BTAF1: variants seen among roughly 807,000 people sequenced by gnomAD.
BTAF1 encodes B-TFIID TATA-box binding protein associated factor 1.
BTAF1 carries 38 observed loss-of-function variants against 227.1 expected under a neutral mutation model. The ratio of observed to expected loss-of-function variants is 0.17; its 90% CI spans 0.13 to 0.22. The LOEUF (loss-of-function observed/expected upper bound fraction) is 0.22. Among genes scored for constraint, BTAF1 ranks in the 10% least tolerant of loss-of-function variants. The pLI is 1.00. For synonymous variants in BTAF1, 742 were observed against 751.9 expected (o/e 0.99, Z 0.21); for missense variants, 1,598 against 2,204.0 (o/e 0.73, Z 5.51).
chr10:91,982,116 A>T lies in BTAF1; in HGVS notation c.1939A>T (p.Ser647Cys). Residue 647 changes from serine (S) to cysteine (C), a missense_variant, in exon 17 of 38, where the codon AGC becomes TGC. Ser to Cys is a moderately radical substitution (Grantham distance 112). Transcript: ENST00000265990. ...AGGTGGTAAGGTGCGCCAAGGCCAA[A>T]GCCAGAATAAAGAAGTACTTCAGGA... ...KTGGKVRQGQ[S>C]QNKEVLQEYI... The T allele has an allele frequency of 6.2e-7, 1 of 1,613,824 alleles. No homozygotes were observed. Among genetic ancestry groups the T allele is most frequent in the Non-Finnish European group, 8.5e-7 (1 of 1,179,854 alleles).
chr10:92,008,041 T>C (rs1233179115), intron 25 of BTAF1, 82 bp from the exon 26 acceptor site: 8 of 1,242,970 alleles, frequency 6.4e-6, no homozygotes, highest in Middle Eastern at 2.0e-4. Context: ...CTTTTTTCTG[T>C]GTGTTTGTTT....
chr10:92,009,409 T>C (rs1352315455), intron 28 of BTAF1, among the ~76,000 whole-genome samples: 1 of 152,228 alleles, frequency 6.6e-6, no homozygotes, highest in Non-Finnish European at 1.5e-5. Context: ...CATTGTACAA[T>C]AAGTTGAGCT....
At chr10:91,933,252 G>A (rs1475875490) in intron 1 of BTAF1, among the ~76,000 whole-genome samples, 4 of 152,176 alleles carry the variant, frequency 2.6e-5, no homozygotes, top group Non-Finnish European at 2.9e-5. Context: ...GTGAGCCATT[G>A]AAAGTTTTAA....
intron 1 of BTAF1, among the ~76,000 whole-genome samples, chr10:91,934,927 A>G (rs367765066): frequency 6.6e-6 from 1 of 152,288 alleles, no homozygotes; most frequent in East Asian, 1.9e-4. Flanking sequence ...AGTTGGGGAT[A>G]TAATATTCGC....
At chr10:91,991,797 G>GTA (rs1166615338) in intron 20 of BTAF1, among the ~76,000 whole-genome samples, 118 of 9,992 alleles carry the variant, frequency 0.012, no homozygotes, top group African/African-American at 0.021. Context: ...GTGTGTGTGT[G>GTA]TATATATATA....
intron 14 of BTAF1, among the ~76,000 whole-genome samples, chr10:91,976,060 C>T (rs973608612): frequency 6.6e-6 from 1 of 152,232 alleles, no homozygotes; most frequent in African/African-American, 2.4e-5. Context: ...TACTTCTGAC[C>T]TACCATCTGT....
At chr10:91,956,435 T>G in intron 6 of BTAF1, 93 bp from the exon 7 acceptor site, 1 of 1,343,998 alleles carries the variant, frequency 7.4e-7, no homozygotes, top group Non-Finnish European at 1.0e-6. Context: ...TATCTTAAAT[T>G]CATTGTGATT....
intron 14 of BTAF1, among the ~76,000 whole-genome samples, chr10:91,975,102 A>G (rs556794489): frequency 4.6e-5 from 7 of 152,162 alleles, no homozygotes; most frequent in Non-Finnish European, 1.0e-4. Context: ...TTGCCAGACA[A>G]ACTCCTAGAC....
At chr10:91,982,551 A>C in intron 17 of BTAF1, 36 bp from the exon 18 acceptor site, 33 of 1,549,070 alleles carry the variant, frequency 2.1e-5, no homozygotes, top group Non-Finnish European at 2.9e-5. Context: ...TACTTCAAGT[A>C]ATTTCTTATA....
chr10:91,983,227 T>A (rs1398651427), intron 18 of BTAF1, among the ~76,000 whole-genome samples: 1 of 152,222 alleles, frequency 6.6e-6, no homozygotes, highest in Non-Finnish European at 1.5e-5. Context: ...ACCAAAATCT[T>A]CATGTTTCCA....
chr10:91,936,600 A>AT (rs1844628755), intron 2 of BTAF1, among the ~76,000 whole-genome samples: 1 of 152,290 alleles, frequency 6.6e-6, no homozygotes, highest in Admixed American at 6.5e-5. Context: ...TTCCAACATA[A>AT]TTCCCACTTA....
In BTAF1 at chr10:92,013,917, CG is replaced by C; in HGVS notation, c.4473del (p.Leu1492CysfsTer10). On this transcript the variant is annotated frameshift_variant, in exon 32 of 38. Transcript: ENST00000265990. LOFTEE classifies it high-confidence loss of function. Reference sequence around the variant, plus strand: ...TTAACAGGTGTTCTTGCTATGGATGCGCTGCACCGCCAAGTACTACCGTTTC... The same window carrying C: ...TTAACAGGTGTTCTTGCTATGGATGCCTGCACCGCCAAGTACTACCGTTTC... ...EQEAGVLAMD[A>X]LHRQVLPFLL... The C allele has an allele frequency of 6.2e-7, 1 of 1,613,692 alleles. No homozygotes were observed. Among genetic ancestry groups the C allele is most frequent in the Non-Finnish European group, 8.5e-7 (1 of 1,179,938 alleles).
rs535143127 is a variant in BTAF1 at position 91,959,319 on chromosome 10, A to G, written c.990+165A>G. The stretch of plus-strand genomic sequence containing the variant: ...ACAATGGATTGAAAAGTAGAGTAAG[A>G]TGAATAAGAGGCTAGTTGAGAGGTC... On this transcript the variant is annotated intron_variant, in intron 9 of 37. Transcript: ENST00000265990. 4.3e-6 allele frequency: 6 copies of G among 1,400,616 alleles called. No individual in the cohort carries two copies. The African/African-American group carries it at 4.4e-5, about 10-fold the overall frequency. 86.8% of individuals were successfully genotyped at this position (1,400,616 alleles called of 1,614,324 possible). A position where few individuals can be genotyped will look rare whatever the true frequency, so the allele number is the denominator to read the frequency against.
chr10:92,025,469 TCTG>T (rs749480887), intron 35 of BTAF1, among the ~76,000 whole-genome samples: 48 of 151,740 alleles, frequency 3.2e-4, no homozygotes, highest in Non-Finnish European at 6.2e-4. Context: ...ATTCCTAGGT[TCTG>T]CTTAGTCCCA....
rs1554848752 is a variant in BTAF1 at position 91,936,406 on chromosome 10, A to AGGGGAGCAATATGATTGCCCAGTTAT, written c.138+648_138+649insTTATGGGGAGCAATATGATTGCCCAG. ...TGGGGAGGTAGATACAGGATAGGGT[A>AGGGGAGCAATATGATTGCCCAGTTAT]GGGGAGCAATATGATTGCCCAGATA... On this transcript the variant is annotated intron_variant, in intron 2 of 37. Transcript: ENST00000265990. Among the ~76,000 whole-genome samples, 555 of 150,870 alleles carry AGGGGAGCAATATGATTGCCCAGTTAT rather than the reference A, an allele frequency of 3.7e-3. 4 individuals carry two copies. The highest frequency in any genetic ancestry group is 0.013 in the African/African-American group (527 of 40,776).
chr10:91,937,055 C>T (rs888174470), intron 2 of BTAF1, among the ~76,000 whole-genome samples: 3 of 149,394 alleles, frequency 2.0e-5, no homozygotes, highest in Non-Finnish European at 3.0e-5. Context: ...AGTGCAGTGG[C>T]GCGATCTCGG....
chr10:91,927,115 C>G (rs561932331), intron 1 of BTAF1, among the ~76,000 whole-genome samples: 1 of 149,294 alleles, frequency 6.7e-6, no homozygotes, highest in East Asian at 2.0e-4. Flanking sequence ...ATGGCTAGTT[C>G]TGACCTTAGT....
intron 20 of BTAF1, among the ~76,000 whole-genome samples, chr10:91,991,295 T>TATA (rs1266180286): frequency 3.7e-5 from 5 of 133,434 alleles, no homozygotes; most frequent in Admixed American, 1.6e-4. Flanking sequence ...TATATATAAA[T>TATA]TATCCGGACG....
intron 14 of BTAF1, among the ~76,000 whole-genome samples, chr10:91,979,690 A>G (rs937375322): frequency 6.6e-6 from 1 of 152,174 alleles, no homozygotes; most frequent in African/African-American, 2.4e-5. Context: ...TAATTGTTTG[A>G]ATAGCAATAG....
Sources: allele counts gnomAD v4.1 joint callset (sites outside exome capture counted in the v4.1 genomes callset), GRCh38; gene constraint gnomAD v4.1.1; transcripts MANE v1.5; gene names NCBI Gene and HGNC (gene_info 2026-07-23, HGNC 2026-07-21).